The following DENND4C variants were observed in gnomAD, a reference collection of about 807,000 sequenced individuals.
DENND4C encodes DENN domain containing 4C.
In DENND4C, 108 loss-of-function variants were observed where a neutral mutation model predicts 203.0. That is an observed-to-expected ratio of 0.53 (90% CI 0.46 to 0.62). The LOEUF is 0.62. Ranked by LOEUF, DENND4C falls within the 20% of genes least tolerant of loss-of-function variation. The pLI is 0.00. For synonymous variants in DENND4C, 871 were observed against 792.4 expected (o/e 1.10, Z -1.67); for missense variants, 2,481 against 2,301.2 (o/e 1.08, Z -1.60).
Position 19,336,365 on chromosome 9 carries a change from G to A in DENND4C, c.2685G>A (p.Arg895=), listed in dbSNP as rs1402889829. ...TGGTACGTGGCTTGGCACAGTTTAG[G>A]CAGCCGCTTAAAAAGACTGTGCAAA... The part of the protein sequence containing the change: ...RNVVRGLAQF[R]QPLKKTVQRS... The change falls in exon 19 of 33, where the codon AGG becomes AGA. Residue 895 remains arginine, a synonymous_variant. Coordinates refer to ENST00000434457, the MANE Select transcript of DENND4C (RefSeq NM_001330640.2). 6.2e-7 allele frequency: 1 copy of A among 1,613,942 alleles called. No homozygotes were observed. The highest frequency in any genetic ancestry group is 2.2e-5 in the East Asian group (1 of 44,872).
At chr9:19,305,206 T>C in intron 9 of DENND4C, 146 bp from the exon 10 acceptor site, 1 of 629,836 alleles carries the variant, frequency 1.6e-6, no homozygotes, top group Non-Finnish European at 2.7e-6. Context: ...TAGTATTTTA[T>C]AGTCATTTAG....
intron 8 of DENND4C, among the ~76,000 whole-genome samples, chr9:19,299,782 A>G (rs573279597): frequency 6.6e-6 from 1 of 152,316 alleles, no homozygotes; most frequent in South Asian, 2.1e-4. Flanking sequence ...AGTATATTTC[A>G]ATTTCAGCCT....
intron 20 of DENND4C, chr9:19,337,519 C>G (rs1384719628): frequency 2.6e-6 from 2 of 764,798 alleles, no homozygotes; most frequent in African/African-American, 3.8e-5. Context: ...TTCCTTTTCT[C>G]TGCTCTTTGT....
At chr9:19,367,700 G>T (rs991253265) in intron 30 of DENND4C, among the ~76,000 whole-genome samples, 2 of 152,148 alleles carry the variant, frequency 1.3e-5, no homozygotes, top group African/African-American at 4.8e-5. Context: ...AGATTCTGCT[G>T]CTGCACTCCA....
At chr9:19,318,849 G>A (rs1842271320) in intron 12 of DENND4C, among the ~76,000 whole-genome samples, 3 of 151,992 alleles carry the variant, frequency 2.0e-5, no homozygotes, top group Non-Finnish European at 4.4e-5. Flanking sequence ...GTTACATTCC[G>A]AGGTACTAGG....
chr9:19,252,786 G>C (rs1313592633), intron 1 of DENND4C, among the ~76,000 whole-genome samples: 1 of 151,794 alleles, frequency 6.6e-6, no homozygotes, highest in East Asian at 1.9e-4. Flanking sequence ...CTCAGGCTAG[G>C]GTGCAGTGGC....
chr9:19,346,295 C>A lies in DENND4C; in HGVS notation c.3526C>A (p.Pro1176Thr). The A allele has an allele frequency of 6.2e-7, 1 of 1,614,158 alleles. No homozygotes were observed. The highest frequency in any genetic ancestry group is 8.5e-7 in the Non-Finnish European group (1 of 1,180,032). ...STWNPEHRSS[P>T]VPEMLEESQE... The stretch of plus-strand genomic sequence containing the variant: ...TTGGAATCCTGAGCACAGATCATCT[C>A]CGGTGCCAGAGATGCTTGAGGAAAG... The change falls in exon 23 of 33, where the codon CCG (proline) becomes ACG (threonine). Residue 1176 changes from proline to threonine, a missense_variant. This residue lies in a region of DENND4C where 2,289 missense variants were observed against 2,113.3 expected (regional missense o/e 1.08). Transcript: ENST00000434457.
chr9:19,299,398 A>T, intron 8 of DENND4C, 111 bp downstream of exon 8: 1 of 739,908 alleles, frequency 1.4e-6, no homozygotes, highest in Non-Finnish European at 2.0e-6. Flanking sequence ...TTTTACAATT[A>T]ACTTTATTAG....
rs563901455 is a variant in DENND4C, at chr9:19,315,504, T to C, written c.1488-913T>C. ...TATATTCTTGGAATATATATATATATACATGTATGTATATACATGTATATA... is the reference window on the plus strand; with the variant it reads ...TATATTCTTGGAATATATATATATACACATGTATGTATATACATGTATATA... On this transcript the variant is annotated intron_variant, in intron 10 of 32. Coordinates refer to ENST00000434457, the MANE Select transcript of DENND4C (RefSeq NM_001330640.2). 1.5e-4 allele frequency among the ~76,000 whole-genome samples: 23 copies of C among 151,086 alleles called. 1 individual carries two copies. Among genetic ancestry groups the C allele is most frequent in the East Asian group, 3.9e-4 (2 of 5,170 alleles).
intron 20 of DENND4C, chr9:19,337,657 A>G (rs1399524327): frequency 7.8e-7 from 1 of 1,288,742 alleles, no homozygotes; most frequent in South Asian, 1.2e-5. Flanking sequence ...CTACCCTTGA[A>G]TGTTAACCAC....
chr9:19,350,823 C>G lies in DENND4C; in HGVS notation c.4439C>G (p.Thr1480Arg), dbSNP rs1823949229. 7 of 1,613,808 alleles carry G rather than the reference C, an allele frequency of 4.3e-6. No homozygotes were observed. The highest frequency in any genetic ancestry group is 5.9e-6 in the Non-Finnish European group (7 of 1,179,988). The change falls in exon 24 of 33, where the codon ACA (threonine) becomes AGA (arginine). Residue 1480 changes from threonine to arginine, a missense_variant. By Grantham distance (71) the Thr-to-Arg change is moderately conservative. This residue lies in a region of DENND4C where 2,289 missense variants were observed against 2,113.3 expected (regional missense o/e 1.08). Coordinates refer to ENST00000434457, the MANE Select transcript of DENND4C (RefSeq NM_001330640.2). ...CCCAGTGAACTTACCCAGAGCAACA[C>G]AAGTCTTGGCAGTAGCAGCAGTAGT... ...LVPSELTQSN[T>R]SLGSSSSSGD...
chr9:19,244,610 C>T (rs551409613), intron 1 of DENND4C, among the ~76,000 whole-genome samples: 3 of 151,866 alleles, frequency 2.0e-5, no homozygotes, highest in Non-Finnish European at 2.9e-5. Flanking sequence ...CGTGGTTGCA[C>T]GTGACTGTAG....
In DENND4C at chr9:19,238,038, C is replaced by T. The variant is rs528528471; in HGVS notation, c.-18+7205C>T. 4.6e-5 allele frequency among the ~76,000 whole-genome samples: 7 copies of T among 151,426 alleles called. No homozygotes were observed. In the East Asian group the frequency reaches 1.4e-3, roughly 29 times the overall value. ...AGGAGAGCTGTGCTCCCACTGTAGG[C>T]TCTAGGGAAGACCCCTCCTTGACTC... On this transcript the variant is annotated intron_variant, in intron 1 of 32. Coordinates refer to ENST00000434457, the MANE Select transcript of DENND4C (RefSeq NM_001330640.2).
intron 2 of DENND4C, among the ~76,000 whole-genome samples, chr9:19,276,889 G>A (rs1832994348): frequency 1.3e-5 from 2 of 152,038 alleles, no homozygotes; most frequent in Non-Finnish European, 2.9e-5. Context: ...TAACTAAAGA[G>A]CAGTCCTATT....
intron 1 of DENND4C, among the ~76,000 whole-genome samples, chr9:19,261,816 T>G (rs547961066): frequency 2.6e-5 from 4 of 152,138 alleles, no homozygotes; most frequent in South Asian, 2.1e-4. Flanking sequence ...TTTCCGTTTT[T>G]TGTGTGTGTG....
intron 1 of DENND4C, among the ~76,000 whole-genome samples, chr9:19,241,610 A>T (rs1823747221): frequency 6.6e-6 from 1 of 151,812 alleles, no homozygotes; most frequent in Non-Finnish European, 1.5e-5. Flanking sequence ...TATCAATATC[A>T]GTGTCTTCTA....
At chr9:19,343,285 T>C (rs1822073175) in intron 22 of DENND4C, among the ~76,000 whole-genome samples, 7 of 152,250 alleles carry the variant, frequency 4.6e-5, no homozygotes. Flanking sequence ...GTGTTTGTAC[T>C]AAATAACTCT....
chr9:19,233,616 A>G (rs1279841084), intron 1 of DENND4C, among the ~76,000 whole-genome samples: 1 of 139,580 alleles, frequency 7.2e-6, no homozygotes. Context: ...GCTGGAGTGC[A>G]GTGGTGTGAT....
At chr9:19,332,255 A>T (rs750003264) in intron 17 of DENND4C, 71 bp downstream of exon 17, 81 of 1,395,124 alleles carry the variant, frequency 5.8e-5, no homozygotes, top group Non-Finnish European at 7.1e-5. Flanking sequence ...ATTTGGGTGT[A>T]AGTTGCTTTA....
Sources: gnomAD v4.1 joint callset for allele counts (sites outside exome capture counted in the v4.1 genomes callset) on GRCh38, gnomAD v4.1.1 for gene constraint, gnomAD v4.1.1 regional missense constraint, MANE v1.5 for transcripts, NCBI Gene and HGNC (gene_info 2026-07-23, HGNC 2026-07-21) for gene names.